TBX19: variants seen among roughly 807,000 people sequenced by gnomAD.
TBX19 encodes T-box transcription factor TBX19.
In TBX19, 33 loss-of-function variants were observed where a neutral mutation model predicts 40.9. The ratio of observed to expected loss-of-function variants is 0.81; its 90% CI spans 0.61 to 1.08. TBX19 has a LOEUF of 1.08. Among genes scored for constraint, TBX19 ranks in the 50% least tolerant of loss-of-function variants. TBX19 has a pLI of 0.00. For missense variants in TBX19, 494 were observed against 574.0 expected (o/e 0.86, Z 1.42); for synonymous variants, 220 against 225.0 (o/e 0.98, Z 0.20).
Position 168,291,277 on chromosome 1 carries a change from A to G in TBX19, c.321A>G (p.Glu107=), listed in dbSNP as rs1490487288. ...ACCGCTGGAAGTACGTCAACGGGGA[A>G]TGGGTGCCCGCTGGCAAGCCAGAGG... is the stretch of plus-strand genomic sequence containing the variant. ...DSHRWKYVNG[E]WVPAGKPEVS... is the part of the protein sequence containing the mutation. Residue 107 remains glutamate, a synonymous_variant, in exon 2 of 8, where the codon GAA becomes GAG. Transcript: ENST00000367821. 2.5e-6 allele frequency: 4 copies of G among 1,614,122 alleles called. No individual in the cohort carries two copies. In the African/African-American group the frequency reaches 5.3e-5, roughly 22 times the overall value.
At chr1:168,300,188 G>A (rs185820940) in intron 4 of TBX19, among the ~76,000 whole-genome samples, 2 of 152,202 alleles carry the variant, frequency 1.3e-5, no homozygotes, top group South Asian at 2.1e-4. Context: ...AGGGATAGCT[G>A]TAAATGTGGT....
chr1:168,281,032 G>T lies in TBX19; in HGVS notation c.-59G>T. 2 of 1,538,322 alleles carry T rather than the reference G, an allele frequency of 1.3e-6. No homozygotes were observed. Among genetic ancestry groups the T allele is most frequent in the South Asian group, 2.3e-5 (2 of 88,450 alleles). Reference sequence around the variant, plus strand: ...TTGAAAAGCAGGCAAGTGAGGGAAGGAAGAAGCTAGAAGCAGGCAAGTTGG... The same window carrying T: ...TTGAAAAGCAGGCAAGTGAGGGAAGTAAGAAGCTAGAAGCAGGCAAGTTGG... On this transcript the variant is annotated 5_prime_UTR_variant, in exon 1 of 8. Transcript: ENST00000367821.
chr1:168,298,840 T>C (rs776386517), intron 4 of TBX19, among the ~76,000 whole-genome samples: 12,491 of 54,234 alleles, frequency 0.23, 3,627 homozygotes, highest in African/African-American at 0.26. Context: ...TCTTTCTTTC[T>C]TTCTTTCTTT....
intron 1 of TBX19, among the ~76,000 whole-genome samples, chr1:168,290,114 T>C (rs1420602306): frequency 4.6e-5 from 7 of 152,102 alleles, no homozygotes; most frequent in African/African-American, 1.4e-4. Flanking sequence ...GGAGAATCAC[T>C]TGAACCCAGG....
In TBX19 at chr1:168,313,041, A is replaced by T. The variant is rs183737051; in HGVS notation, c.*39A>T. ...AGCCTCTTTGCACAGCGATCCTTCCATGTGTAGAGTGCTTAGAAACCCCAT... is the reference window on the plus strand; with the variant it reads ...AGCCTCTTTGCACAGCGATCCTTCCTTGTGTAGAGTGCTTAGAAACCCCAT... On this transcript the variant is annotated 3_prime_UTR_variant, in exon 8 of 8. Transcript: ENST00000367821. 1.9e-6 allele frequency: 3 copies of T among 1,611,962 alleles called. No individual in the cohort carries two copies. Among genetic ancestry groups the T allele is most frequent in the East Asian group, 2.2e-5 (1 of 44,872 alleles).
At chr1:168,291,510 T>C in intron 2 of TBX19, 86 bp downstream of exon 2, 1 of 1,587,862 alleles carries the variant, frequency 6.3e-7, no homozygotes, top group East Asian at 2.2e-5. Context: ...ATTTAGGCAA[T>C]TAGAGGTGTC....
At chr1:168,289,842 C>T (rs1648895931) in intron 1 of TBX19, among the ~76,000 whole-genome samples, 1 of 152,188 alleles carries the variant, frequency 6.6e-6, no homozygotes, top group South Asian at 2.1e-4. Context: ...TCAACTCTGC[C>T]TCTCTCCTGC....
At chr1:168,296,445 A>T (rs897144116) in intron 3 of TBX19, among the ~76,000 whole-genome samples, 1 of 152,170 alleles carries the variant, frequency 6.6e-6, no homozygotes, top group African/African-American at 2.4e-5. Context: ...CACATCTTAC[A>T]TGGTGACAGG....
chr1:168,312,606 G>C, intron 7 of TBX19, 102 bp from the exon 8 acceptor site: 1 of 1,381,122 alleles, frequency 7.2e-7, no homozygotes, highest in Non-Finnish European at 1.0e-6. Context: ...AAGCCCTCCT[G>C]TAACCATGCC....
chr1:168,297,359 T>C (rs991944110), intron 3 of TBX19, among the ~76,000 whole-genome samples: 1 of 152,204 alleles, frequency 6.6e-6, no homozygotes, highest in African/African-American at 2.4e-5. Flanking sequence ...GGATCAAGGA[T>C]TGTTGAAAAA....
Position 168,300,437 on chromosome 1 carries a change from C to T in TBX19, c.681C>T (p.Asp227=), listed in dbSNP as rs776410135. 1.5e-5 allele frequency: 24 copies of T among 1,614,140 alleles called. No individual in the cohort carries two copies. The highest frequency in any genetic ancestry group is 1.0e-4 in the Admixed American group (6 of 60,014). Residue 227 remains aspartate, a synonymous_variant, in exon 5 of 8, where the codon GAC becomes GAT. Coordinates refer to ENST00000367821, the MANE Select transcript of TBX19 (RefSeq NM_005149.3). Reference sequence around the variant, plus strand: ...ACTCTTTCAGAAATCACCTAAGAGACGTACCGGAGGCTATCTCTGAGAGCC... The same window carrying T: ...ACTCTTTCAGAAATCACCTAAGAGATGTACCGGAGGCTATCTCTGAGAGCC... ...LDAKERNHLR[D]VPEAISESQH...
At chr1:168,294,458 C>T (rs188461683) in intron 3 of TBX19, among the ~76,000 whole-genome samples, 204 of 151,962 alleles carry the variant, frequency 1.3e-3, no homozygotes, top group Middle Eastern at 6.8e-3. Flanking sequence ...CTCAGCCTTC[C>T]GAGTAGCTAG....
intron 7 of TBX19, among the ~76,000 whole-genome samples, chr1:168,309,626 A>C (rs1416511581): frequency 6.6e-6 from 1 of 152,160 alleles, no homozygotes; most frequent in Non-Finnish European, 1.5e-5. Context: ...AACAGAGTTA[A>C]GTGTAGCATG....
At chr1:168,297,583 A>G (rs1649144094) in intron 3 of TBX19, 141 bp from the exon 4 acceptor site, 2 of 697,454 alleles carry the variant, frequency 2.9e-6, no homozygotes, top group Non-Finnish European at 5.2e-6. Context: ...GAGTGCTGGG[A>G]TTACAGGCAT....
In TBX19 at chr1:168,303,303, G is replaced by A. The variant is rs189608153; in HGVS notation, c.728-1705G>A. Among the ~76,000 whole-genome samples the A allele has an allele frequency of 1.8e-3, 270 of 152,162 alleles. 1 individual carries two copies. The highest frequency in any genetic ancestry group is 6.1e-3 in the African/African-American group (252 of 41,526). On this transcript the variant is annotated intron_variant, in intron 5 of 7. Coordinates refer to ENST00000367821, the MANE Select transcript of TBX19 (RefSeq NM_005149.3). ...GAGAACATGCGGTGTTTGGTTTTTT[G>A]TCCTTGCGATAGTTTGCTGAGAATG...
At chr1:168,296,839 A>G (rs12043422) in intron 3 of TBX19, among the ~76,000 whole-genome samples, 3,391 of 151,570 alleles carry the variant, frequency 0.022, 120 homozygotes, top group South Asian at 0.14. Flanking sequence ...GAGCTACTGT[A>G]CTCCAGCCTG....
At chr1:168,291,666 C>T (rs977864383) in intron 2 of TBX19, among the ~76,000 whole-genome samples, 6 of 152,086 alleles carry the variant, frequency 3.9e-5, no homozygotes, top group African/African-American at 1.2e-4. Flanking sequence ...ACTTAATCAC[C>T]GGGGCCCTTT....
intron 3 of TBX19, 145 bp from the exon 4 acceptor site, chr1:168,297,579 T>C (rs537571823): frequency 1.6e-5 from 12 of 747,244 alleles, no homozygotes; most frequent in South Asian, 1.3e-4. Context: ...CTCAGAGTGC[T>C]GGGATTACAG....
At chr1:168,312,627 C>G (rs1052604710) in intron 7 of TBX19, 81 bp from the exon 8 acceptor site, 11 of 1,511,794 alleles carry the variant, frequency 7.3e-6, no homozygotes, top group Non-Finnish European at 1.0e-5. Context: ...CTTCTCAGCA[C>G]TGTGTACATG....
Sources: gnomAD v4.1 joint callset for allele counts (sites outside exome capture counted in the v4.1 genomes callset) on GRCh38, gnomAD v4.1.1 for gene constraint, MANE v1.5 for transcripts, NCBI Gene and HGNC (gene_info 2026-07-23, HGNC 2026-07-21) for gene names.